IARS2: variants seen among roughly 807,000 people sequenced by gnomAD.
IARS2 encodes the protein isoleucyl-tRNA synthetase 2, mitochondrial, also known as isoleucine--tRNA ligase, mitochondrial.
IARS2 carries 56 observed loss-of-function variants against 126.3 expected under a neutral mutation model. That is an observed-to-expected ratio of 0.44 (90% CI 0.36 to 0.55). The LOEUF (loss-of-function observed/expected upper bound fraction) is 0.55. Among genes scored for constraint, IARS2 ranks in the 20% least tolerant of loss-of-function variants. IARS2 has a pLI of 0.00. For synonymous variants in IARS2, 407 were observed against 441.1 expected (o/e 0.92, Z 0.97); for missense variants, 1,127 against 1,245.9 (o/e 0.90, Z 1.44).
intron 11 of IARS2, among the ~76,000 whole-genome samples, chr1:220,112,432 C>T (rs201313691): frequency 3.2e-5 from 2 of 61,938 alleles, no homozygotes; most frequent in Admixed American, 1.6e-4. Flanking sequence ...CCGCGCCCGG[C>T]CCGACCACCT....
chr1:220,141,674 C>A (rs1657495034), intron 19 of IARS2, 129 bp from the exon 20 acceptor site: 3 of 916,698 alleles, frequency 3.3e-6, no homozygotes, highest in African/African-American at 1.7e-5. Flanking sequence ...GTATTGTATT[C>A]TTTAAGTAGA....
chr1:220,139,211 T>C, intron 18 of IARS2, 72 bp downstream of exon 18: 1 of 1,280,308 alleles, frequency 7.8e-7, no homozygotes, highest in African/African-American at 1.5e-5. Flanking sequence ...TTTAGTTTTA[T>C]CTGAGTGGAA....
At chr1:220,146,497 G>A (rs1250998802) in intron 22 of IARS2, among the ~76,000 whole-genome samples, 6 of 129,900 alleles carry the variant, frequency 4.6e-5, no homozygotes, top group Admixed American at 9.1e-5. Context: ...CAGCCTGGGC[G>A]ACAGAGCGAG....
chr1:220,126,690 T>C, intron 13 of IARS2, 60 bp from the exon 14 acceptor site: 1 of 1,202,086 alleles, frequency 8.3e-7, no homozygotes, highest in South Asian at 1.3e-5. Flanking sequence ...TGGGGTACAG[T>C]ATTTGTTGTC....
At chr1:220,106,154 T>C in intron 9 of IARS2, 94 bp downstream of exon 9, 1 of 1,060,938 alleles carries the variant, frequency 9.4e-7, no homozygotes, top group Admixed American at 2.5e-5. Flanking sequence ...AAATGATGAC[T>C]TTTGTCATCA....
intron 22 of IARS2, among the ~76,000 whole-genome samples, chr1:220,146,243 A>G (rs1056868331): frequency 3.9e-5 from 6 of 152,182 alleles, no homozygotes; most frequent in Admixed American, 2.0e-4. Flanking sequence ...TAGGCTGGGC[A>G]CGGTGGCTCA....
rs1571865543 is a variant in IARS2 at position 220,143,085 on chromosome 1, A to G, written c.2702A>G (p.Tyr901Cys). ...ATCCCTGGCAAAAATGCAGCTGAGT[A>G]CAAGGTTATCACTGTGATAGAACCT... The part of the protein sequence containing the change: ...GSIPGKNAAE[Y>C]KVITVIEPGL... The change falls in exon 21 of 23, where the codon TAC becomes TGC. Residue 901 changes from tyrosine to cysteine, a missense_variant. Tyr to Cys is a radical substitution (Grantham distance 194). Coordinates refer to ENST00000366922, the MANE Select transcript of IARS2 (RefSeq NM_018060.4). The G allele has an allele frequency of 5.6e-6, 9 of 1,614,046 alleles. No individual in the cohort carries two copies.
intron 8 of IARS2, 50 bp downstream of exon 8, chr1:220,103,612 A>G (rs754688245): frequency 9.1e-7 from 1 of 1,098,864 alleles, no homozygotes; most frequent in East Asian, 2.4e-5. Flanking sequence ...TATTGGGCTG[A>G]CTTGAATTTA....
At position 220,138,478 on chromosome 1, in the gene IARS2, C is replaced by A. The variant is rs904198932; in HGVS notation, c.2175+435C>A. On this transcript the variant is annotated intron_variant, in intron 17 of 22. Transcript: ENST00000366922. ...GAGCAAGACCTTGTCTCAAAAAAAA[C>A]AAAAAACTCCTGTGTAAATTTATTT... 2.6e-5 allele frequency among the ~76,000 whole-genome samples: 4 copies of A among 151,800 alleles called. No homozygotes were observed. The South Asian group carries it at 6.2e-4, about 24-fold the overall frequency.
At chr1:220,114,930 C>T (rs1393574013) in intron 12 of IARS2, among the ~76,000 whole-genome samples, 1 of 148,014 alleles carries the variant, frequency 6.8e-6, no homozygotes, top group Non-Finnish European at 1.5e-5. Flanking sequence ...GATTATATTC[C>T]CAGTTTTTCC....
intron 21 of IARS2, 24 bp from the exon 22 acceptor site, chr1:220,145,485 T>G: frequency 6.3e-7 from 1 of 1,583,254 alleles, no homozygotes; most frequent in Non-Finnish European, 8.6e-7. Context: ...ACATAAACTG[T>G]AACTTTCACA....
chr1:220,134,946 T>A (rs556046818), intron 15 of IARS2: 1 of 152,454 alleles, frequency 6.6e-6, no homozygotes, highest in African/African-American at 2.4e-5. Flanking sequence ...TTTTAATTTT[T>A]TTTTAGAGGT....
intron 14 of IARS2, among the ~76,000 whole-genome samples, chr1:220,130,099 C>T (rs1169748494): frequency 6.6e-6 from 1 of 152,074 alleles, no homozygotes; most frequent in East Asian, 1.9e-4. Context: ...TTTGCACTTC[C>T]CTGATGATTA....
intron 1 of IARS2, among the ~76,000 whole-genome samples, chr1:220,095,281 T>C (rs925713821): frequency 6.6e-6 from 1 of 152,088 alleles, no homozygotes; most frequent in Non-Finnish European, 1.5e-5. Flanking sequence ...TCAAGTGATC[T>C]TCCCGCCTCG....
intron 10 of IARS2, among the ~76,000 whole-genome samples, chr1:220,108,172 T>A (rs1408135545): frequency 6.6e-6 from 1 of 150,890 alleles, no homozygotes; most frequent in Non-Finnish European, 1.5e-5. Context: ...GCAATTCTCT[T>A]GCCTCAGCCT....
chr1:220,102,113 T>G lies in IARS2; in HGVS notation c.551-16T>G, dbSNP rs373464940. The stretch of plus-strand genomic sequence containing the variant: ...TTCATTGGTTTTTTAAAATCTTTTT[T>G]TCGTCTTTTTTTTAGCTAGATCATT... On this transcript the variant is annotated splice_polypyrimidine_tract_variant and intron_variant, in intron 3 of 22. Coordinates refer to ENST00000366922, the MANE Select transcript of IARS2 (RefSeq NM_018060.4). The G allele has an allele frequency of 2.3e-4, 372 of 1,589,674 alleles. No individual in the cohort carries two copies. Among genetic ancestry groups the G allele is most frequent in the Non-Finnish European group, 2.9e-4 (338 of 1,172,960 alleles).
rs1047413901 is a variant in IARS2 at position 220,102,856 on chromosome 1, A to G, written c.950+79A>G. 1.7e-5 allele frequency: 14 copies of G among 827,422 alleles called. No homozygotes were observed. In the African/African-American group the frequency reaches 2.2e-4, roughly 13 times the overall value. The allele number at this position is 827,422 out of a possible 1,614,324, so 51.3% of individuals were successfully genotyped here. A position where few individuals can be genotyped will look rare whatever the true frequency, so the allele number is the denominator to read the frequency against. On this transcript the variant is annotated intron_variant, in intron 7 of 22. Transcript: ENST00000366922. ...ATTAACATTATTTTGAATTTATTTT[A>G]TCCTGTTTATTATTGTAAAATTTAA...
chr1:220,126,352 C>T (rs1657157291), intron 13 of IARS2, among the ~76,000 whole-genome samples: 3 of 151,896 alleles, frequency 2.0e-5, no homozygotes, highest in Admixed American at 2.0e-4. Flanking sequence ...TCATTGAGGG[C>T]CAGGATTGAT....
chr1:220,113,851 T>TA (rs1218504119), intron 11 of IARS2, among the ~76,000 whole-genome samples: 4 of 152,198 alleles, frequency 2.6e-5, no homozygotes, highest in Admixed American at 2.6e-4. Context: ...CTATATTATG[T>TA]AAAATTAGGT....
Sources: gnomAD v4.1 joint callset for allele counts (sites outside exome capture counted in the v4.1 genomes callset) on GRCh38, gnomAD v4.1.1 for gene constraint, MANE v1.5 for transcripts, NCBI Gene and HGNC (gene_info 2026-07-23, HGNC 2026-07-21) for gene names.